CSGALNACT1: variants seen among roughly 807,000 people sequenced by gnomAD.
The protein encoded by CSGALNACT1 is chondroitin sulfate N-acetylgalactosaminyltransferase 1.
CSGALNACT1 carries 52 observed loss-of-function variants against 51.0 expected under a neutral mutation model. The ratio of observed to expected loss-of-function variants is 1.02; its 90% CI spans 0.82 to 1.29. The LOEUF is 1.29. Among genes scored for constraint, CSGALNACT1 ranks in the 50% most tolerant of loss-of-function variants. The pLI is 0.00. For synonymous variants in CSGALNACT1, 341 were observed against 254.4 expected, an observed-to-expected ratio of 1.34 and a Z score of -3.24; for missense variants, 935 against 679.2, an observed-to-expected ratio of 1.38 and a Z score of -4.19.
chr8:19,717,595 A>G (rs2062881544), intron 1 of CSGALNACT1, among the ~76,000 whole-genome samples: 1 of 152,086 alleles, frequency 6.6e-6, no homozygotes, highest in Non-Finnish European at 1.5e-5. Context: ...CTGCCCCTTT[A>G]TGTGGTTTAG....
intron 4 of CSGALNACT1, among the ~76,000 whole-genome samples, chr8:19,494,059 T>C (rs2074977975): frequency 6.6e-6 from 1 of 152,238 alleles, no homozygotes; most frequent in Non-Finnish European, 1.5e-5. Context: ...ACATTTAAAA[T>C]GGTCAACAAA....
intron 3 of CSGALNACT1, among the ~76,000 whole-genome samples, chr8:19,573,185 C>T (rs560683855): frequency 7.5e-4 from 115 of 152,332 alleles, no homozygotes; most frequent in African/African-American, 2.6e-3. Context: ...ATCCTCTCCT[C>T]ATCCAGCTGT....
chr8:19,598,316 A>T (rs2049420921), intron 2 of CSGALNACT1, among the ~76,000 whole-genome samples: 2 of 152,146 alleles, frequency 1.3e-5, no homozygotes. Flanking sequence ...TCTGCAGAAA[A>T]CCAATGGTGG....
At chr8:19,482,049 C>T (rs2071539929) in intron 4 of CSGALNACT1, among the ~76,000 whole-genome samples, 1 of 152,140 alleles carries the variant, frequency 6.6e-6, no homozygotes, top group African/African-American at 2.4e-5. Context: ...TCAAATCGCT[C>T]ATGACTCCGA....
At chr8:19,642,297 T>A (rs2056823742) in intron 1 of CSGALNACT1, among the ~76,000 whole-genome samples, 1 of 152,132 alleles carries the variant, frequency 6.6e-6, no homozygotes, top group Non-Finnish European at 1.5e-5. Context: ...ACGGTTACAA[T>A]GACTAAGTTC....
At position 19,410,294 on chromosome 8, in the gene CSGALNACT1, T is replaced by C. The variant is rs573353488; in HGVS notation, c.1228-1600A>G. 5.9e-5 allele frequency among the ~76,000 whole-genome samples: 9 copies of C among 152,330 alleles called. No homozygotes were observed. In the East Asian group the frequency reaches 9.6e-4, roughly 16 times the overall value. ...CCAAATGACAAGTCAATTTCATTAG[T>C]ATCAACTGGAAAGATTTTGTAAGGC... On this transcript the variant is annotated intron_variant, in intron 8 of 9. Coordinates refer to ENST00000454498, the Ensembl canonical transcript of CSGALNACT1.
At chr8:19,417,362 C>T (rs941334667) in intron 8 of CSGALNACT1, among the ~76,000 whole-genome samples, 3 of 152,072 alleles carry the variant, frequency 2.0e-5, no homozygotes, top group Admixed American at 6.5e-5. Flanking sequence ...ACCTGAGGGC[C>T]CCAAAGTTGA....
chr8:19,667,484 GAGTGA>G (rs1164836858), intron 1 of CSGALNACT1, among the ~76,000 whole-genome samples: 2 of 151,940 alleles, frequency 1.3e-5, no homozygotes, highest in African/African-American at 4.8e-5. Context: ...AGTGCTTAAA[GAGTGA>G]AGTGATTTAA....
intron 1 of CSGALNACT1, among the ~76,000 whole-genome samples, chr8:19,725,138 C>T (rs980379072): frequency 2.0e-5 from 3 of 152,206 alleles, no homozygotes; most frequent in Admixed American, 6.5e-5. Flanking sequence ...CAGAAGTAAG[C>T]ACCGAGTCTC....
chr8:19,471,984 T>A (rs934406468), intron 4 of CSGALNACT1, among the ~76,000 whole-genome samples: 2 of 152,178 alleles, frequency 1.3e-5, no homozygotes, highest in African/African-American at 4.8e-5. Context: ...CTTCCTATTG[T>A]TGAAGAACTG....
chr8:19,434,890 A>C (rs1028055225), intron 6 of CSGALNACT1, among the ~76,000 whole-genome samples: 2 of 152,190 alleles, frequency 1.3e-5, no homozygotes, highest in African/African-American at 4.8e-5. Context: ...GAAAATGGAC[A>C]AACAAAAAGC....
intron 3 of CSGALNACT1, among the ~76,000 whole-genome samples, chr8:19,554,326 C>A (rs207468985): frequency 1.3e-5 from 2 of 152,098 alleles, no homozygotes; most frequent in Non-Finnish European, 2.9e-5. Flanking sequence ...CTTATCAAAT[C>A]GGTGTTATCA....
At chr8:19,722,472 C>T (rs1054607360) in intron 1 of CSGALNACT1, among the ~76,000 whole-genome samples, 15 of 152,188 alleles carry the variant, frequency 9.9e-5, no homozygotes, top group African/African-American at 3.6e-4. Flanking sequence ...CCAGCAAAGT[C>T]AACTCAAATA....
chr8:19,436,883 T>A (rs1435800834), intron 6 of CSGALNACT1, among the ~76,000 whole-genome samples: 1 of 152,180 alleles, frequency 6.6e-6, no homozygotes, highest in Non-Finnish European at 1.5e-5. Context: ...TGCACTCTAG[T>A]CTGGGCGACA....
chr8:19,413,229 C>A (rs925316612), intron 8 of CSGALNACT1, among the ~76,000 whole-genome samples: 1 of 152,098 alleles, frequency 6.6e-6, no homozygotes, highest in Non-Finnish European at 1.5e-5. Context: ...AGGAACCTAT[C>A]ATCTAAAACT....
chr8:19,464,066 G>A (rs1319644444), intron 4 of CSGALNACT1, among the ~76,000 whole-genome samples: 1 of 152,330 alleles, frequency 6.6e-6, no homozygotes, highest in Admixed American at 6.5e-5. Flanking sequence ...GGTTGTGACA[G>A]ATGTCACACT....
chr8:19,638,085 T>C (rs1263419124), intron 1 of CSGALNACT1, among the ~76,000 whole-genome samples: 1 of 148,114 alleles, frequency 6.8e-6, no homozygotes, highest in African/African-American at 2.5e-5. Flanking sequence ...CAACCTAAAC[T>C]GTTAGTCTCT....
chr8:19,505,934 G>C lies in CSGALNACT1; in HGVS notation c.-100C>G, dbSNP rs768983672. 4.8e-6 allele frequency: 7 copies of C among 1,460,080 alleles called. No individual in the cohort carries two copies. The Admixed American group carries it at 1.2e-4, about 26-fold the overall frequency. 90.4% of individuals were successfully genotyped at this position (1,460,080 alleles called of 1,614,324 possible). On this transcript the variant is annotated 5_prime_UTR_variant, in exon 4 of 10. Transcript: ENST00000454498. ...CTAGACCACAGGAAGCATGCGTTTG[G>C]GGCCCCCGGAGCTGCTTGCATCCAT...
intron 5 of CSGALNACT1, among the ~76,000 whole-genome samples, chr8:19,450,460 C>A (rs561267685): frequency 2.8e-4 from 43 of 152,174 alleles, no homozygotes; most frequent in African/African-American, 1.0e-3. Context: ...GTAGAGACTG[C>A]AGAGACCCAA....
Sources: gnomAD v4.1 joint callset for allele counts (sites outside exome capture counted in the v4.1 genomes callset) on GRCh38, gnomAD v4.1.1 for gene constraint, MANE v1.5 for transcripts, NCBI Gene and HGNC (gene_info 2026-07-23, HGNC 2026-07-21) for gene names.